IFT88: variants seen among roughly 807,000 people sequenced by gnomAD.
IFT88 encodes intraflagellar transport 88, also known as intraflagellar transport protein 88 homolog.
IFT88 carries 74 observed loss-of-function variants against 119.5 expected under a neutral mutation model. The ratio of observed to expected loss-of-function variants is 0.62; its 90% CI spans 0.51 to 0.75. The LOEUF is 0.75. Ranked by LOEUF, IFT88 falls within the 30% of genes least tolerant of loss-of-function variation. The pLI is 0.00. For missense variants in IFT88, 961 were observed against 977.7 expected, an observed-to-expected ratio of 0.98 and a Z score of 0.23; for synonymous variants, 279 against 316.7, an observed-to-expected ratio of 0.88 and a Z score of 1.26.
At chr13:20,579,438 C>A (rs1236440117) in intron 2 of IFT88, among the ~76,000 whole-genome samples, 2 of 152,214 alleles carry the variant, frequency 1.3e-5, no homozygotes, top group African/African-American at 4.8e-5. Context: ...CCACAACAGA[C>A]CCGCAGAGAG....
intron 23 of IFT88, among the ~76,000 whole-genome samples, chr13:20,664,289 T>C (rs895954776): frequency 7.2e-5 from 11 of 152,220 alleles, no homozygotes; most frequent in Non-Finnish European, 1.6e-4. Flanking sequence ...TCTAAAATGA[T>C]TTTTCAGAGA....
chr13:20,568,813 C>G (rs1415698857), intron 1 of IFT88, among the ~76,000 whole-genome samples: 1 of 152,060 alleles, frequency 6.6e-6, no homozygotes, highest in Non-Finnish European at 1.5e-5. Flanking sequence ...CTCCGCCTCC[C>G]GGGTTCATGC....
At chr13:20,655,961 A>AACC (rs2052704434) in intron 21 of IFT88, among the ~76,000 whole-genome samples, 1 of 152,060 alleles carries the variant, frequency 6.6e-6, no homozygotes, top group South Asian at 2.1e-4. Context: ...ATTTAAAGTG[A>AACC]ACCAGGCTCA....
At chr13:20,602,882 T>C (rs1196744631) in intron 12 of IFT88, among the ~76,000 whole-genome samples, 1 of 150,574 alleles carries the variant, frequency 6.6e-6, no homozygotes, top group African/African-American at 2.5e-5. Context: ...GACTCTGTCT[T>C]GAAAAAAAAA....
chr13:20,602,052 G>A (rs756737058), intron 12 of IFT88, 119 bp downstream of exon 12: 30 of 617,320 alleles, frequency 4.9e-5, no homozygotes, highest in Non-Finnish European at 8.1e-5. Flanking sequence ...GTATCAATGT[G>A]TTTTATTATT....
chr13:20,608,939 A>T (rs1211739303), intron 13 of IFT88, among the ~76,000 whole-genome samples: 1 of 152,158 alleles, frequency 6.6e-6, no homozygotes, highest in Non-Finnish European at 1.5e-5. Context: ...GATCTTCGAG[A>T]AATCATGTTC....
At position 20,663,575 on chromosome 13, in the gene IFT88, T is replaced by G. The variant is rs1445674871; in HGVS notation, c.2146T>G (p.Leu716Val). 6.2e-7 allele frequency: 1 copy of G among 1,613,414 alleles called. No homozygotes were observed. The highest frequency in any genetic ancestry group is 2.2e-5 in the East Asian group (1 of 44,830). Reference protein sequence around the residue: ...AQEYARKLKRLEKMKEIREQR... With the variant: ...AQEYARKLKRVEKMKEIREQR... ...AGAATATGCCAGAAAACTGAAGAGGTTGGAAAAAATGAAAGAAATAAGGGA... is the reference window on the plus strand; with the variant it reads ...AGAATATGCCAGAAAACTGAAGAGGGTGGAAAAAATGAAAGAAATAAGGGA... Residue 716 changes from leucine to valine, a missense_variant, in exon 23 of 26, where the codon TTG becomes GTG. Transcript: ENST00000351808.
chr13:20,587,500 C>A (rs2039896831), intron 3 of IFT88, among the ~76,000 whole-genome samples: 1 of 152,108 alleles, frequency 6.6e-6, no homozygotes, highest in Non-Finnish European at 1.5e-5. Context: ...TCAGGTGATC[C>A]ACCCACCTCA....
intron 1 of IFT88, among the ~76,000 whole-genome samples, chr13:20,571,606 T>G (rs1029777887): frequency 5.3e-5 from 8 of 152,200 alleles, no homozygotes; most frequent in Admixed American, 1.3e-4. Flanking sequence ...TTTTACATTT[T>G]TATTTGGGAA....
chr13:20,586,841 A>G (rs2039761506), intron 3 of IFT88, among the ~76,000 whole-genome samples: 3 of 152,236 alleles, frequency 2.0e-5, no homozygotes, highest in Admixed American at 6.5e-5. Flanking sequence ...ACAACTTTAT[A>G]TGTTATCACC....
chr13:20,645,542 T>C (rs1289845392), intron 20 of IFT88, among the ~76,000 whole-genome samples: 1 of 152,214 alleles, frequency 6.6e-6, no homozygotes, highest in African/African-American at 2.4e-5. Flanking sequence ...TTATTGTTCC[T>C]TTATCAATCA....
At chr13:20,595,747 A>G (rs2041529054) in intron 7 of IFT88, among the ~76,000 whole-genome samples, 1 of 152,138 alleles carries the variant, frequency 6.6e-6, no homozygotes. Context: ...TTCAATGTTG[A>G]AAGTAAATTA....
At chr13:20,581,807 C>T (rs7996648) in intron 2 of IFT88, among the ~76,000 whole-genome samples, 102,725 of 149,256 alleles carry the variant, frequency 0.69, 36,537 homozygotes, top group East Asian at 1. Context: ...GAGCTGTGAT[C>T]GCACCACTGT....
intron 15 of IFT88, 53 bp from the exon 16 acceptor site, chr13:20,630,963 C>A: frequency 8.7e-7 from 1 of 1,154,272 alleles, no homozygotes; most frequent in Non-Finnish European, 1.3e-6. Context: ...CGACCATAAG[C>A]TTGAGTACTG....
chr13:20,677,688 G>C (rs766535114), intron 24 of IFT88, among the ~76,000 whole-genome samples: 1 of 152,172 alleles, frequency 6.6e-6, no homozygotes, highest in Non-Finnish European at 1.5e-5. Flanking sequence ...CATACTTAAG[G>C]AGTGAGAATA....
intron 13 of IFT88, among the ~76,000 whole-genome samples, chr13:20,606,574 A>T (rs1218884244): frequency 6.6e-6 from 1 of 152,218 alleles, no homozygotes. Flanking sequence ...GAAATGTCCA[A>T]GTGTTCATTA....
intron 24 of IFT88, among the ~76,000 whole-genome samples, chr13:20,678,223 C>G (rs2141116362): frequency 6.6e-6 from 1 of 152,232 alleles, no homozygotes; most frequent in Non-Finnish European, 1.5e-5. Flanking sequence ...TACAGCCTCA[C>G]CAATAACTAA....
intron 13 of IFT88, 113 bp downstream of exon 13, chr13:20,605,218 A>T (rs983025437): frequency 6.5e-6 from 3 of 459,306 alleles, no homozygotes; most frequent in African/African-American, 6.1e-5. Flanking sequence ...TTTAATTTTT[A>T]TAAAAGGGTT....
chr13:20,592,789 T>G (rs1442163739), intron 7 of IFT88, among the ~76,000 whole-genome samples: 2 of 152,136 alleles, frequency 1.3e-5, no homozygotes, highest in African/African-American at 4.8e-5. Context: ...CATAATTATG[T>G]GACTTCCATA....
Sources: gnomAD v4.1 joint callset for allele counts (sites outside exome capture counted in the v4.1 genomes callset) on GRCh38, gnomAD v4.1.1 for gene constraint, MANE v1.5 for transcripts, NCBI Gene and HGNC (gene_info 2026-07-23, HGNC 2026-07-21) for gene names.